CDH3: variants seen among roughly 807,000 people sequenced by gnomAD.
CDH3 encodes cadherin-3.
A neutral mutation model predicts 82.0 loss-of-function variants in CDH3; 54 were observed. The ratio of observed to expected loss-of-function variants is 0.66; its 90% CI spans 0.53 to 0.83. CDH3 has a LOEUF of 0.83. CDH3 is among the 40% of genes least tolerant of loss of function. The probability of loss-of-function intolerance (pLI) is 0.00; values close to 1 mark genes in which losing one functional copy is unlikely to be tolerated. For synonymous variants in CDH3, 446 were observed against 437.9 expected (o/e 1.02, Z -0.23); for missense variants, 1,054 against 1,084.6 (o/e 0.97, Z 0.40).
At chr16:68,693,946 C>T (rs891329840) in intron 13 of CDH3, among the ~76,000 whole-genome samples, 2 of 152,192 alleles carry the variant, frequency 1.3e-5, no homozygotes, top group Admixed American at 6.5e-5. Context: ...ATCACTGAAG[C>T]CAGGCCCTTT....
downstream of CDH3, among the ~76,000 whole-genome samples, chr16:68,704,717 C>T (rs929635476): frequency 7.2e-5 from 11 of 152,180 alleles, no homozygotes; most frequent in South Asian, 2.1e-4. Flanking sequence ...CATGTTCTCC[C>T]GCCTCACAAC....
intron 2 of CDH3, 44 bp from the exon 3 acceptor site, chr16:68,676,341 A>T: frequency 7.0e-7 from 1 of 1,433,196 alleles, no homozygotes; most frequent in Non-Finnish European, 9.8e-7. Flanking sequence ...CAACTTCCAG[A>T]ATACTCCTGC....
chr16:68,647,517 G>A (rs1270824576), intron 2 of CDH3, among the ~76,000 whole-genome samples: 1 of 152,118 alleles, frequency 6.6e-6, no homozygotes, highest in Non-Finnish European at 1.5e-5. Context: ...CTTTACGGTT[G>A]TGAAAAACGG....
rs1029368645 is a variant in CDH3, at chr16:68,698,926, T to C, written c.*526T>C. 5 of 157,748 alleles carry C rather than the reference T, an allele frequency of 3.2e-5. No individual in the cohort carries two copies. The highest frequency in any genetic ancestry group is 1.2e-4 in the African/African-American group (5 of 41,454). The allele number at this position is 157,748 out of a possible 1,614,324, so 9.8% of individuals were successfully genotyped here. ...TGGATCTCTGCGTTTTTATACTGAG[T>C]GTGCCTAGGTTGCCCCTTATTTTTT... is the stretch of plus-strand genomic sequence containing the variant. On this transcript the variant is annotated 3_prime_UTR_variant, in exon 16 of 16. Transcript: ENST00000264012.
chr16:68,645,445 G>T, intron 1 of CDH3, 21 bp downstream of exon 1: 1 of 1,612,406 alleles, frequency 6.2e-7, no homozygotes. Flanking sequence ...GCCTCGCCGT[G>T]GCCCCGACCG....
intron 11 of CDH3, 107 bp from the exon 12 acceptor site, chr16:68,687,405 G>A: frequency 1.3e-6 from 1 of 798,490 alleles, no homozygotes; most frequent in Non-Finnish European, 2.2e-6. Flanking sequence ...GGAAGCAAGG[G>A]CATGGAAGGT....
downstream of CDH3, among the ~76,000 whole-genome samples, chr16:68,701,392 G>C (rs1374490960): frequency 3.3e-5 from 5 of 152,142 alleles, no homozygotes; most frequent in African/African-American, 1.2e-4. Flanking sequence ...ATTTGCATTG[G>C]TAAGACACCA....
intron 2 of CDH3, among the ~76,000 whole-genome samples, chr16:68,649,881 A>G (rs1960189062): frequency 6.6e-6 from 1 of 152,112 alleles, no homozygotes; most frequent in South Asian, 2.1e-4. Context: ...TAAAAACACA[A>G]AAATTAGCTG....
At chr16:68,659,362 A>G (rs1960497440) in intron 2 of CDH3, among the ~76,000 whole-genome samples, 1 of 152,104 alleles carries the variant, frequency 6.6e-6, no homozygotes, top group Non-Finnish European at 1.5e-5. Context: ...TGAACCCAGG[A>G]GTTCGAGACC....
chr16:68,694,199 G>A (rs771583189), intron 13 of CDH3, among the ~76,000 whole-genome samples: 5 of 151,484 alleles, frequency 3.3e-5, no homozygotes, highest in Non-Finnish European at 7.4e-5. Context: ...TGTAATCTCA[G>A]CTACTCAGGA....
rs772675051 is a variant in CDH3, at chr16:68,685,246, A to G, written c.1466A>G (p.Asp489Gly). ...GACCCAGCAGGGTGGCTAGCCATGG[A>G]CCCAGACAGTGGGCAGGTCACAGCT... The part of the protein sequence containing the change: ...LRDPAGWLAM[D>G]PDSGQVTAVG... The change falls in exon 11 of 16, where the codon GAC (aspartate) becomes GGC (glycine). Residue 489 changes from aspartate (D) to glycine (G), a missense_variant. By Grantham distance (94) the Asp-to-Gly change is moderately conservative. Transcript: ENST00000264012. 6.2e-7 allele frequency: 1 copy of G among 1,614,080 alleles called. No individual in the cohort carries two copies. Among genetic ancestry groups the G allele is most frequent in the East Asian group, 2.2e-5 (1 of 44,882 alleles).
chr16:68,659,634 A>G (rs1960505729), intron 2 of CDH3, among the ~76,000 whole-genome samples: 1 of 152,052 alleles, frequency 6.6e-6, no homozygotes, highest in Non-Finnish European at 1.5e-5. Context: ...CAGTGAGCCA[A>G]GATCACACCA....
chr16:68,680,449 CG>C (rs917059806), intron 7 of CDH3, among the ~76,000 whole-genome samples: 1 of 152,124 alleles, frequency 6.6e-6, no homozygotes, highest in Admixed American at 6.5e-5. Context: ...GAGGCCAAGG[CG>C]GGAGGATCAC....
intron 2 of CDH3, among the ~76,000 whole-genome samples, chr16:68,668,599 G>A (rs899990702): frequency 2.6e-5 from 4 of 152,228 alleles, no homozygotes; most frequent in African/African-American, 7.2e-5. Flanking sequence ...TGAAATCTCC[G>A]TCTTCTGCTT....
intron 1 of CDH3, among the ~76,000 whole-genome samples, chr16:68,711,256 G>A (rs919843329): frequency 5.3e-5 from 8 of 151,394 alleles, no homozygotes; most frequent in African/African-American, 1.9e-4. Flanking sequence ...GTTGCCGTGA[G>A]CTGGGTTGCG....
chr16:68,725,818 C>T (rs988652515), intron 2 of CDH3, among the ~76,000 whole-genome samples: 14 of 151,910 alleles, frequency 9.2e-5, no homozygotes, highest in African/African-American at 3.4e-4. Flanking sequence ...CTTTGGGAGG[C>T]TGAGGTGGGT....
chr16:68,659,981 C>A (rs1393534333), intron 2 of CDH3, among the ~76,000 whole-genome samples: 1 of 152,176 alleles, frequency 6.6e-6, no homozygotes, highest in Non-Finnish European at 1.5e-5. Flanking sequence ...GCGCCGTAGT[C>A]TTTTACATGG....
intron 2 of CDH3, among the ~76,000 whole-genome samples, chr16:68,662,842 G>A (rs1165012766): frequency 5.0e-5 from 7 of 140,918 alleles, no homozygotes; most frequent in Non-Finnish European, 9.2e-5. Context: ...CACCGTTCCC[G>A]GAGGCTGGTG....
intron 1 of CDH3, among the ~76,000 whole-genome samples, chr16:68,706,544 CTTTTTTTT>C (rs34364461): frequency 1.3e-4 from 11 of 81,628 alleles, no homozygotes; most frequent in African/African-American, 3.1e-4. Context: ...GTCACATTTC[CTTTTTTTT>C]TTTTTTTTTT....
Sources: gnomAD v4.1 joint callset for allele counts (sites outside exome capture counted in the v4.1 genomes callset) on GRCh38, gnomAD v4.1.1 for gene constraint, MANE v1.5 for transcripts, NCBI Gene and HGNC (gene_info 2026-07-23, HGNC 2026-07-21) for gene names.